USP13: variants seen among roughly 807,000 people sequenced by gnomAD.
USP13 encodes ubiquitin carboxyl-terminal hydrolase 13.
A neutral mutation model predicts 107.8 loss-of-function variants in USP13; 68 were observed. That is an observed-to-expected ratio of 0.63 (90% CI 0.52 to 0.77). USP13 has a LOEUF of 0.77. Among genes scored for constraint, USP13 ranks in the 30% least tolerant of loss-of-function variants. USP13 has a pLI of 0.00. For missense variants in USP13, 945 were observed against 1,093.3 expected, an observed-to-expected ratio of 0.86 and a Z score of 1.91; for synonymous variants, 377 against 389.5, an observed-to-expected ratio of 0.97 and a Z score of 0.38.
intron 7 of USP13, among the ~76,000 whole-genome samples, chr3:179,720,844 T>G (rs1307657252): frequency 6.6e-6 from 1 of 151,824 alleles, no homozygotes; most frequent in East Asian, 1.9e-4. Flanking sequence ...GTTTCGCTCT[T>G]GTTGCCCAGG....
Position 179,784,536 on chromosome 3 carries a change from C to A in USP13, c.*395C>A. The A allele has an allele frequency of 6.3e-6, 1 of 159,474 alleles. No homozygotes were observed. Among genetic ancestry groups the A allele is most frequent in the Non-Finnish European group, 1.4e-5 (1 of 72,666 alleles). The allele number at this position is 159,474 out of a possible 1,614,324, so 9.9% of individuals were successfully genotyped here. On this transcript the variant is annotated 3_prime_UTR_variant, in exon 21 of 21. Coordinates refer to ENST00000263966, the MANE Select transcript of USP13 (RefSeq NM_003940.3). Reference sequence around the variant, plus strand: ...TAATGTGGCCAGTGGTGTGGCCTTACCCACAACAAATGAAAAGCCCACTTG... The same window carrying A: ...TAATGTGGCCAGTGGTGTGGCCTTAACCACAACAAATGAAAAGCCCACTTG...
intron 1 of USP13, among the ~76,000 whole-genome samples, chr3:179,666,833 A>G (rs1038884681): frequency 3.3e-5 from 5 of 152,174 alleles, no homozygotes; most frequent in Admixed American, 3.3e-4. Flanking sequence ...CACCAAAACG[A>G]CATCTGCTTC....
intron 1 of USP13, among the ~76,000 whole-genome samples, chr3:179,657,762 C>CA (rs35377039): frequency 0.37 from 27,175 of 73,594 alleles, 4,989 homozygotes; most frequent in Non-Finnish European, 0.46. Context: ...AATTCCGTCT[C>CA]AAAAAAAAAA....
intron 19 of USP13, among the ~76,000 whole-genome samples, chr3:179,780,145 A>C (rs1460714485): frequency 6.6e-6 from 1 of 152,224 alleles, no homozygotes; most frequent in Non-Finnish European, 1.5e-5. Context: ...TGAAAGACTC[A>C]ATGCTTTCCT....
intron 2 of USP13, among the ~76,000 whole-genome samples, chr3:179,688,083 A>ATCCATCCATCCG (rs1420269355): frequency 3.2e-4 from 36 of 112,856 alleles, no homozygotes; most frequent in East Asian, 2.1e-3. Context: ...CAGGATATCC[A>ATCCATCCATCCG]TCCATCCATC....
At position 179,757,790 on chromosome 3, in the gene USP13, A is replaced by G. The variant is rs753840868; in HGVS notation, c.1948+712A>G. ...GATTGATCATGTAGCTTAGACCTCT[A>G]TGTCTCCTTTCTTGAAACAATTATG... On this transcript the variant is annotated intron_variant, in intron 16 of 20. Transcript: ENST00000263966. Among the ~76,000 whole-genome samples, 166 of 152,308 alleles carry G rather than the reference A, an allele frequency of 1.1e-3. 1 individual carries two copies. In the Middle Eastern group the frequency reaches 0.014, roughly 12 times the overall value.
intron 16 of USP13, among the ~76,000 whole-genome samples, chr3:179,758,559 C>A (rs1220822245): frequency 6.6e-6 from 1 of 151,238 alleles, no homozygotes; most frequent in African/African-American, 2.4e-5. Flanking sequence ...AGTGCAGTGG[C>A]GCGATCTCGG....
chr3:179,735,741 T>A (rs144108021), intron 10 of USP13, among the ~76,000 whole-genome samples: 4 of 152,206 alleles, frequency 2.6e-5, no homozygotes, highest in African/African-American at 9.7e-5. Context: ...ATTAAAAGTT[T>A]AAAGTGTCCA....
chr3:179,662,947 CCTCT>C (rs1304093814), intron 1 of USP13, among the ~76,000 whole-genome samples: 13 of 152,070 alleles, frequency 8.5e-5, no homozygotes, highest in Admixed American at 7.9e-4. Flanking sequence ...ATTCTACCTC[CCTCT>C]CTCTCTTTTT....
chr3:179,657,559 G>A (rs960326588), intron 1 of USP13, among the ~76,000 whole-genome samples: 3 of 151,542 alleles, frequency 2.0e-5, no homozygotes, highest in Non-Finnish European at 4.4e-5. Flanking sequence ...TCAAGAGATC[G>A]AGACCATCCT....
chr3:179,751,998 C>A (rs1714628664), intron 13 of USP13, among the ~76,000 whole-genome samples: 1 of 152,192 alleles, frequency 6.6e-6, no homozygotes. Flanking sequence ...CCACCTCGGC[C>A]TCCCAAAGTG....
At chr3:179,714,079 C>T (rs928183396) in intron 6 of USP13, among the ~76,000 whole-genome samples, 4 of 152,046 alleles carry the variant, frequency 2.6e-5, no homozygotes, top group Non-Finnish European at 5.9e-5. Flanking sequence ...ATTGTTTCGG[C>T]GAGGCAGGGA....
chr3:179,653,148 C>A lies in USP13; in HGVS notation c.-78C>A. On this transcript the variant is annotated 5_prime_UTR_variant, in exon 1 of 21. Coordinates refer to ENST00000263966, the MANE Select transcript of USP13 (RefSeq NM_003940.3). This position sits in a 1 kb window ranked among gnomAD's most constrained non-coding sequence, Gnocchi z 4.0. Reference sequence around the variant, plus strand: ...CGCGCAGCCCGCCCGTCAGCCCGCTCGCTGGCGCCGCCGCCGCCGGCAGAC... The same window carrying A: ...CGCGCAGCCCGCCCGTCAGCCCGCTAGCTGGCGCCGCCGCCGCCGGCAGAC... 1 of 1,039,058 alleles carries A rather than the reference C, an allele frequency of 9.6e-7. No individual in the cohort carries two copies. The highest frequency in any genetic ancestry group is 1.2e-6 in the Non-Finnish European group (1 of 865,418). The allele number at this position is 1,039,058 out of a possible 1,614,324, so 64.4% of individuals were successfully genotyped here. A position where few individuals can be genotyped will look rare whatever the true frequency, so the allele number is the denominator to read the frequency against.
intron 13 of USP13, among the ~76,000 whole-genome samples, chr3:179,749,390 A>G (rs1302942084): frequency 2.0e-5 from 3 of 152,230 alleles, no homozygotes; most frequent in Non-Finnish European, 2.9e-5. Flanking sequence ...TTACATTCTA[A>G]TGATCTTTAT....
At position 179,740,263 on chromosome 3, in the gene USP13, T is replaced by C. The variant is rs749882548; in HGVS notation, c.1271T>C (p.Ile424Thr). Residue 424 changes from isoleucine to threonine, a missense_variant, in exon 11 of 21, where the codon ATC becomes ACC. Transcript: ENST00000263966. Reference sequence around the variant, plus strand: ...ATACATTAGCCACAGCAGAACGGGATCTCTCCGCGCATGTTTAAGGCCTTT... The same window carrying C: ...ATACATTAGCCACAGCAGAACGGGACCTCTCCGCGCATGTTTAAGGCCTTT... ...KEEHKPQQNGISPRMFKAFVS... is the reference protein window; with the variant it reads ...KEEHKPQQNGTSPRMFKAFVS... 6.2e-7 allele frequency: 1 copy of C among 1,614,120 alleles called. No homozygotes were observed. Among genetic ancestry groups the C allele is most frequent in the East Asian group, 2.2e-5 (1 of 44,882 alleles).
At chr3:179,757,281 A>C (rs1288362222) in intron 16 of USP13, 1 of 573,008 alleles carries the variant, frequency 1.7e-6, no homozygotes, top group Non-Finnish European at 3.1e-6. Context: ...ATTAGCATGA[A>C]GCTAACTAGC....
At chr3:179,769,575 T>G (rs1715281988) in intron 19 of USP13, among the ~76,000 whole-genome samples, 1 of 152,134 alleles carries the variant, frequency 6.6e-6, no homozygotes, top group Non-Finnish European at 1.5e-5. Flanking sequence ...ACCTGGCTAA[T>G]TTTTTGTATT....
rs1331148744 is a variant in USP13, at chr3:179,780,873, C to G, written c.2414-866C>G. Among the ~76,000 whole-genome samples the G allele has an allele frequency of 2.6e-5, 4 of 152,180 alleles. No individual in the cohort carries two copies. In the East Asian group the frequency reaches 7.7e-4, roughly 29 times the overall value. ...CACTAGCAAAATCAATATGCAAGCC[C>G]ATTTTTTTCCTTATTAAATTCAACA... On this transcript the variant is annotated intron_variant, in intron 19 of 20. Coordinates refer to ENST00000263966, the MANE Select transcript of USP13 (RefSeq NM_003940.3).
At chr3:179,711,698 A>G (rs955781937) in intron 6 of USP13, among the ~76,000 whole-genome samples, 8 of 152,178 alleles carry the variant, frequency 5.3e-5, no homozygotes, top group Non-Finnish European at 8.8e-5. Flanking sequence ...TTCTGGGACA[A>G]TAACATGCAT....
Sources: gnomAD v4.1 joint callset for allele counts (sites outside exome capture counted in the v4.1 genomes callset) on GRCh38, gnomAD v4.1.1 for gene constraint, Gnocchi (gnomAD v3.1) non-coding constraint, MANE v1.5 for transcripts, NCBI Gene and HGNC (gene_info 2026-07-23, HGNC 2026-07-21) for gene names.